TMEM231: variants seen among roughly 807,000 people sequenced by gnomAD.
The protein encoded by TMEM231 is transmembrane protein 231.
TMEM231 carries 40 observed loss-of-function variants against 38.5 expected under a neutral mutation model. The observed-to-expected ratio is 1.04, with a 90% CI of 0.81 to 1.35. The LOEUF (loss-of-function observed/expected upper bound fraction) is 1.35. TMEM231 is among the 40% of genes most tolerant of loss of function. TMEM231 has a pLI of 0.00. For missense variants in TMEM231, 420 were observed against 416.9 expected, an observed-to-expected ratio of 1.01 and a Z score of -0.07; for synonymous variants, 199 against 181.7, an observed-to-expected ratio of 1.10 and a Z score of -0.77.
At chr16:75,541,513 G>A in intron 5 of TMEM231, 58 bp from the exon 6 acceptor site, 2 of 1,112,024 alleles carry the variant, frequency 1.8e-6, no homozygotes, top group East Asian at 2.7e-5. Context: ...GCAGTTGAAG[G>A]CTATAAAGAT....
At chr16:75,546,143 C>T (rs985113518) in intron 2 of TMEM231, 189 bp from the exon 3 acceptor site, 5 of 1,521,064 alleles carry the variant, frequency 3.3e-6, no homozygotes, top group Admixed American at 2.0e-5. Flanking sequence ...GTGCATGGTC[C>T]CTGAACTTCA....
chr16:75,551,569 A>T (rs1434685240), intron 2 of TMEM231, among the ~76,000 whole-genome samples: 1 of 152,236 alleles, frequency 6.6e-6, no homozygotes, highest in Non-Finnish European at 1.5e-5. Flanking sequence ...TTCCAATTAA[A>T]CTATGACACT....
intron 2 of TMEM231, chr16:75,555,097 TGAGTGAAAAG>T (rs1391143920): frequency 7.2e-5 from 11 of 152,066 alleles, no homozygotes; most frequent in African/African-American, 2.7e-4. Flanking sequence ...TTTCAGAAAA[TGAGTGAAAAG>T]GAGTGACTAC....
intron 2 of TMEM231, among the ~76,000 whole-genome samples, chr16:75,549,507 G>A (rs899768890): frequency 6.6e-6 from 1 of 152,164 alleles, no homozygotes; most frequent in Non-Finnish European, 1.5e-5. Context: ...TAAATTGAGG[G>A]TGAGGTTATG....
At chr16:75,543,365 G>A (rs1005919026) in intron 4 of TMEM231, among the ~76,000 whole-genome samples, 3 of 152,158 alleles carry the variant, frequency 2.0e-5, no homozygotes, top group Admixed American at 6.6e-5. Flanking sequence ...CCAGGAGTTC[G>A]AGACCAGTCT....
Position 75,537,323 on chromosome 16 carries a change from A to AT in TMEM231, c.*2670_*2671insA, listed in dbSNP as rs2080570517. The stretch of plus-strand genomic sequence containing the variant: ...AAAAAAAAGAAATAATTGCTTTATT[A>AT]GCCTTACATGATGGAATATTAGGGG... On this transcript the variant is annotated 3_prime_UTR_variant, in exon 7 of 7. Transcript: ENST00000258173. 3 of 151,878 alleles carry AT rather than the reference A, an allele frequency of 2.0e-5. No individual in the cohort carries two copies. Among genetic ancestry groups the AT allele is most frequent in the African/African-American group, 4.8e-5 (2 of 41,358 alleles). 9.4% of individuals were successfully genotyped at this position (151,878 alleles called of 1,614,324 possible). A position where few individuals can be genotyped will look rare whatever the true frequency, so the allele number is the denominator to read the frequency against.
At chr16:75,553,250 GTAGT>G (rs1158970174) in intron 2 of TMEM231, among the ~76,000 whole-genome samples, 1 of 152,144 alleles carries the variant, frequency 6.6e-6, no homozygotes, top group African/African-American at 2.4e-5. Flanking sequence ...GAAAATAAAA[GTAGT>G]TTGTTGCAAT....
chr16:75,553,776 G>GC (rs1395873102), intron 2 of TMEM231, among the ~76,000 whole-genome samples: 1 of 152,024 alleles, frequency 6.6e-6, no homozygotes, highest in African/African-American at 2.4e-5. Flanking sequence ...TCCTGCCTCA[G>GC]CCTTCCAAAG....
At position 75,537,879 on chromosome 16, in the gene TMEM231, C is replaced by A. The variant is rs970746612; in HGVS notation, c.*2115G>T. 1 of 152,168 alleles carries A rather than the reference C, an allele frequency of 6.6e-6. No homozygotes were observed. The highest frequency in any genetic ancestry group is 2.4e-5 in the African/African-American group (1 of 41,444). 9.4% of individuals were successfully genotyped at this position (152,168 alleles called of 1,614,324 possible). A position where few individuals can be genotyped will look rare whatever the true frequency, so the allele number is the denominator to read the frequency against. ...TAAATAATTTCATATTCACCAGACACAGTCATAATTATCCAACACGTAGAT... is the reference window on the plus strand; with the variant it reads ...TAAATAATTTCATATTCACCAGACAAAGTCATAATTATCCAACACGTAGAT... On this transcript the variant is annotated 3_prime_UTR_variant, in exon 7 of 7. Transcript: ENST00000258173.
intron 5 of TMEM231, chr16:75,541,707 A>G: frequency 3.7e-6 from 1 of 273,952 alleles, no homozygotes; most frequent in East Asian, 6.9e-5. Context: ...GGCTAACTGA[A>G]GGAATACTAT....
intron 2 of TMEM231, among the ~76,000 whole-genome samples, chr16:75,554,545 C>CAAAAAAAAAAAAAAAAAAAAAAAA (rs1185694717): frequency 1.1e-5 from 1 of 94,114 alleles, no homozygotes; most frequent in African/African-American, 3.9e-5. Flanking sequence ...GACTGTGTCT[C>CAAAAAAAAAAAAAAAAAAAAAAAA]AAAAAAAAAA....
chr16:75,551,408 G>A (rs957772949), intron 2 of TMEM231, among the ~76,000 whole-genome samples: 22 of 151,790 alleles, frequency 1.4e-4, no homozygotes, highest in African/African-American at 4.6e-4. Context: ...TTGCCTAGGC[G>A]GTCTGGAACT....
chr16:75,541,724 A>G (rs773841729), intron 5 of TMEM231: 5 of 235,568 alleles, frequency 2.1e-5, no homozygotes, highest in Middle Eastern at 1.3e-3. Flanking sequence ...CTATACTGCC[A>G]CTAAAAGTAG....
Position 75,548,247 on chromosome 16 carries a change from G to C in TMEM231, c.310-2293C>G, listed in dbSNP as rs189998642. ...AATTCCAAATGAAGACAGCAGGTTG[G>C]ACAAATCTTCCTGAAAAACAGCAGC... is the stretch of plus-strand genomic sequence containing the variant. On this transcript the variant is annotated intron_variant, in intron 2 of 6. Transcript: ENST00000258173. 2.6e-5 allele frequency among the ~76,000 whole-genome samples: 4 copies of C among 152,214 alleles called. No homozygotes were observed. In the East Asian group the frequency reaches 7.7e-4, roughly 29 times the overall value.
At chr16:75,541,572 T>C in intron 5 of TMEM231, 117 bp from the exon 6 acceptor site, 1 of 568,446 alleles carries the variant, frequency 1.8e-6, no homozygotes. Flanking sequence ...AAAGAAATCA[T>C]TCGGAAGGAA....
chr16:75,552,367 C>A (rs1408237486), intron 2 of TMEM231, among the ~76,000 whole-genome samples: 2 of 152,102 alleles, frequency 1.3e-5, no homozygotes. Context: ...GCAGGAGAAT[C>A]TCTTGAACCT....
intron 2 of TMEM231, among the ~76,000 whole-genome samples, chr16:75,547,594 C>A (rs2080708736): frequency 6.6e-6 from 1 of 151,982 alleles, no homozygotes; most frequent in Admixed American, 6.6e-5. Context: ...TCCTGGCCAA[C>A]ATGGTGAAAC....
intron 2 of TMEM231, chr16:75,555,338 G>A (rs904366034): frequency 6.3e-6 from 1 of 157,582 alleles, no homozygotes; most frequent in Admixed American, 6.5e-5. Context: ...ACCAATCAGC[G>A]CCTTGGTTTC....
At chr16:75,542,760 A>T in intron 4 of TMEM231, 77 bp from the exon 5 acceptor site, 1 of 1,346,420 alleles carries the variant, frequency 7.4e-7, no homozygotes, top group South Asian at 1.2e-5. Context: ...CTGCCCACCC[A>T]GGCTGGTCCC....
Sources: gnomAD v4.1 joint callset for allele counts (sites outside exome capture counted in the v4.1 genomes callset) on GRCh38, gnomAD v4.1.1 for gene constraint, MANE v1.5 for transcripts, NCBI Gene and HGNC (gene_info 2026-07-23, HGNC 2026-07-21) for gene names.